Variants in DCP2 observed in about 807,000 individuals in gnomAD.
DCP2 encodes m7GpppN-mRNA hydrolase.
In DCP2, 30 loss-of-function variants were observed where a neutral mutation model predicts 56.1. That is an observed-to-expected ratio of 0.53 (90% CI 0.40 to 0.73). The LOEUF (loss-of-function observed/expected upper bound fraction) is 0.73, where lower values mean the gene tolerates loss of function less well. Among genes scored for constraint, DCP2 ranks in the 30% least tolerant of loss-of-function variants. DCP2 has a pLI of 0.00. For synonymous variants in DCP2, 197 were observed against 163.3 expected (o/e 1.21, Z -1.57); for missense variants, 533 against 502.7 (o/e 1.06, Z -0.58).
intron 9 of DCP2, among the ~76,000 whole-genome samples, chr5:113,009,489 A>G (rs1749585225): frequency 6.6e-6 from 1 of 152,220 alleles, no homozygotes; most frequent in Non-Finnish European, 1.5e-5. Flanking sequence ...CCAGTTGTGT[A>G]TTGAGTGTAT....
rs760892590 is a variant in DCP2 at position 113,001,341 on chromosome 5, T to G, written c.586-16T>G. The G allele has an allele frequency of 4.4e-6, 7 of 1,600,040 alleles. No homozygotes were observed. The highest frequency in any genetic ancestry group is 5.1e-6 in the Non-Finnish European group (6 of 1,174,552). On this transcript the variant is annotated splice_polypyrimidine_tract_variant and intron_variant, in intron 5 of 10. Coordinates refer to ENST00000389063, the MANE Select transcript of DCP2 (RefSeq NM_152624.6). ...ATAAAAATTAACTAAATGAATTATT[T>G]TCTTCTGTGTTTCAGAACATTGAGT...
chr5:112,988,039 C>T (rs1044329674), intron 2 of DCP2, among the ~76,000 whole-genome samples: 2 of 152,118 alleles, frequency 1.3e-5, no homozygotes, highest in Admixed American at 6.5e-5. Context: ...TCATTCTCAG[C>T]TACCTATCAC....
At chr5:113,004,150 AT>A (rs1749306666) in intron 8 of DCP2, 73 bp downstream of exon 8, 2 of 1,523,432 alleles carry the variant, frequency 1.3e-6, no homozygotes, top group African/African-American at 2.8e-5. Context: ...CAATTGGAGA[AT>A]TACATCTTAA....
At chr5:112,990,348 A>AT (rs549718498) in intron 2 of DCP2, among the ~76,000 whole-genome samples, 47 of 151,992 alleles carry the variant, frequency 3.1e-4, no homozygotes, top group African/African-American at 5.5e-4. Context: ...ATAGTCTTTG[A>AT]TTTTTTTTCC....
At chr5:113,010,180 G>A (rs1162623115) in intron 9 of DCP2, among the ~76,000 whole-genome samples, 12 of 150,382 alleles carry the variant, frequency 8.0e-5, no homozygotes, top group Non-Finnish European at 1.3e-4. Context: ...CTATAGGTGC[G>A]TGGCACCACA....
chr5:112,977,116 T>C, intron 1 of DCP2, 130 bp downstream of exon 1: 1 of 655,458 alleles, frequency 1.5e-6, no homozygotes, highest in Non-Finnish European at 2.5e-6. Flanking sequence ...CTGCTCGCTT[T>C]CCATCGTCGA....
Position 113,020,846 on chromosome 5 carries a change from A to G in DCP2, c.*7362A>G, listed in dbSNP as rs1026673172. ...AACTAAAAGCCTTTTAATCTTACAA[A>G]ATACAATTTGAACGATGGAAGGTTG... On this transcript the variant is annotated 3_prime_UTR_variant, in exon 11 of 11. Transcript: ENST00000389063. 6.6e-6 allele frequency: 1 copy of G among 152,210 alleles called. No homozygotes were observed. The highest frequency in any genetic ancestry group is 1.5e-5 in the Non-Finnish European group (1 of 68,036). The allele number at this position is 152,210 out of a possible 1,614,324, so 9.4% of individuals were successfully genotyped here. A position where few individuals can be genotyped will look rare whatever the true frequency, so the allele number is the denominator to read the frequency against.
chr5:112,999,218 T>C (rs1437183318), intron 4 of DCP2, among the ~76,000 whole-genome samples: 1 of 152,264 alleles, frequency 6.6e-6, no homozygotes, highest in Non-Finnish European at 1.5e-5. Context: ...TATGACTAGC[T>C]ATGTATACTT....
rs114471685 is a variant in DCP2, at chr5:112,978,757, A to G, written c.53+1771A>G. Among the ~76,000 whole-genome samples, 837 of 152,198 alleles carry G rather than the reference A, an allele frequency of 5.5e-3. 7 individuals are homozygous for G. Among genetic ancestry groups the G allele is most frequent in the African/African-American group, 0.019 (799 of 41,550 alleles). Reference sequence around the variant, plus strand: ...TTAATGACTAGACGCACATCAACCAATAGTGGGATTATGAGATTGTGATCT... The same window carrying G: ...TTAATGACTAGACGCACATCAACCAGTAGTGGGATTATGAGATTGTGATCT... On this transcript the variant is annotated intron_variant, in intron 1 of 10. Transcript: ENST00000389063.
In DCP2 at chr5:112,989,059, G is replaced by T. The variant is rs146789575; in HGVS notation, c.206-3062G>T. ...TTAAGTAACTTCATGGTTACTCTGT[G>T]CCAGGCCTTATGCAGTGAAGAGAGT... On this transcript the variant is annotated intron_variant, in intron 2 of 10. Coordinates refer to ENST00000389063, the MANE Select transcript of DCP2 (RefSeq NM_152624.6). Among the ~76,000 whole-genome samples the T allele has an allele frequency of 3.7e-3, 571 of 152,276 alleles. 4 individuals carry two copies. The highest frequency in any genetic ancestry group is 0.013 in the African/African-American group (523 of 41,544).
chr5:112,988,877 C>CTTTA (rs1325329909), intron 2 of DCP2, among the ~76,000 whole-genome samples: 1 of 152,170 alleles, frequency 6.6e-6, no homozygotes, highest in African/African-American at 2.4e-5. Context: ...ACTTTACATA[C>CTTTA]TTTAGGGTTT....
Position 113,020,770 on chromosome 5 carries a change from C to G in DCP2, c.*7286C>G, listed in dbSNP as rs1324639732. 6.6e-6 allele frequency: 1 copy of G among 152,174 alleles called. No homozygotes were observed. The highest frequency in any genetic ancestry group is 2.4e-5 in the African/African-American group (1 of 41,442). 9.4% of individuals were successfully genotyped at this position (152,174 alleles called of 1,614,324 possible). A position where few individuals can be genotyped will look rare whatever the true frequency, so the allele number is the denominator to read the frequency against. ...AAATGAACAAAATCCTATGTCTTAA[C>G]AGTTATGCTCTAACTTTTTGAAAGC... On this transcript the variant is annotated 3_prime_UTR_variant, in exon 11 of 11. Transcript: ENST00000389063.
At chr5:112,997,067 A>T (rs557822780) in intron 4 of DCP2, among the ~76,000 whole-genome samples, 1 of 152,320 alleles carries the variant, frequency 6.6e-6, no homozygotes, top group African/African-American at 2.4e-5. Context: ...TTATCATGCT[A>T]ACTGAAACTG....
intron 4 of DCP2, among the ~76,000 whole-genome samples, chr5:112,994,682 T>G (rs1298871881): frequency 6.6e-6 from 1 of 152,190 alleles, no homozygotes; most frequent in Non-Finnish European, 1.5e-5. Flanking sequence ...TTTGAGAAGT[T>G]GAACTAATAG....
chr5:112,988,191 C>T lies in DCP2; in HGVS notation c.205+2205C>T, dbSNP rs536157716. On this transcript the variant is annotated intron_variant, in intron 2 of 10. Coordinates refer to ENST00000389063, the MANE Select transcript of DCP2 (RefSeq NM_152624.6). The stretch of plus-strand genomic sequence containing the variant: ...GAATATTACTCTGATCATTTGAAAA[C>T]GGTATCCAAGGCCGGGTGCGGTGGC... Among the ~76,000 whole-genome samples the T allele has an allele frequency of 4.6e-5, 7 of 151,864 alleles. No homozygotes were observed. In the South Asian group the frequency reaches 8.3e-4, roughly 18 times the overall value.
intron 4 of DCP2, among the ~76,000 whole-genome samples, chr5:112,999,339 T>G (rs1749018397): frequency 6.6e-6 from 1 of 152,148 alleles, no homozygotes; most frequent in African/African-American, 2.4e-5. Context: ...CTGTTGTTTT[T>G]TTTTTGAGAT....
intron 2 of DCP2, among the ~76,000 whole-genome samples, chr5:112,991,173 G>A (rs1180989997): frequency 6.6e-6 from 1 of 152,054 alleles, no homozygotes; most frequent in Non-Finnish European, 1.5e-5. Flanking sequence ...CTAGATAATT[G>A]AATATATGCT....
At chr5:113,000,203 C>T (rs1426089603) in intron 4 of DCP2, among the ~76,000 whole-genome samples, 1 of 152,118 alleles carries the variant, frequency 6.6e-6, no homozygotes, top group Non-Finnish European at 1.5e-5. Flanking sequence ...AGTGATCCTC[C>T]CTCTTTGGCC....
intron 10 of DCP2, 76 bp from the exon 11 acceptor site, chr5:113,013,245 A>T: frequency 6.8e-7 from 1 of 1,461,248 alleles, no homozygotes; most frequent in Non-Finnish European, 9.2e-7. Flanking sequence ...ATTGTTTTGT[A>T]ACAAAAGGCA....
Sources: allele counts gnomAD v4.1 joint callset (sites outside exome capture counted in the v4.1 genomes callset), GRCh38; gene constraint gnomAD v4.1.1; transcripts MANE v1.5; gene names NCBI Gene and HGNC (gene_info 2026-07-23, HGNC 2026-07-21).